The following GRSF1 variants were observed in gnomAD, a reference collection of about 807,000 sequenced individuals.
GRSF1 encodes the protein G-rich sequence factor 1.
A neutral mutation model predicts 51.1 loss-of-function variants in GRSF1; 50 were observed. The ratio of observed to expected loss-of-function variants is 0.98; its 90% confidence interval spans 0.78 to 1.24. The LOEUF is 1.24. Ranked by LOEUF, GRSF1 falls within the 50% of genes most tolerant of loss-of-function variation. The probability of loss-of-function intolerance (pLI) is 0.00; values close to 1 mark genes in which losing one functional copy is unlikely to be tolerated. For synonymous variants in GRSF1, 293 were observed against 253.3 expected (o/e 1.16, Z -1.49); for missense variants, 700 against 639.7 (o/e 1.09, Z -1.02).
intron 2 of GRSF1, among the ~76,000 whole-genome samples, chr4:70,835,718 G>C (rs758766274): frequency 3.9e-5 from 6 of 152,128 alleles, no homozygotes; most frequent in African/African-American, 1.2e-4. Context: ...TGGGATTACA[G>C]GCGTGAGCCA....
upstream of GRSF1, chr4:70,840,017 GCGGGGCTGCCCATGGT>G: frequency 9.5e-6 from 5 of 526,710 alleles, no homozygotes; most frequent in South Asian, 1.3e-4. Flanking sequence ...CCGCCCTTGG[GCGGGGCTGCCCATGGT>G]TTGGGCGGGG....
Position 70,839,759 on chromosome 4 carries a change from C to T in GRSF1, c.69G>A (p.Arg23=), listed in dbSNP as rs1326830349. Residue 23 remains arginine (R), a synonymous_variant, in exon 1 of 10, where the codon CGG becomes CGA. Coordinates refer to ENST00000254799, the MANE Select transcript of GRSF1 (RefSeq NM_002092.4). ...RGCGCNCSSC[R]RTGAACLPFY... ...AGGGCAGGCAGGCGGCGCCGGTGCG[C>T]CGGCAGCTGCTGCAGTTACAGCCGC... 6.6e-7 allele frequency: 1 copy of T among 1,504,114 alleles called. No homozygotes were observed. Among genetic ancestry groups the T allele is most frequent in the Non-Finnish European group, 8.8e-7 (1 of 1,133,822 alleles). 93.2% of individuals were successfully genotyped at this position (1,504,114 alleles called of 1,614,324 possible). A position where few individuals can be genotyped will look rare whatever the true frequency, so the allele number is the denominator to read the frequency against.
chr4:70,824,281 C>G lies in GRSF1; in HGVS notation c.*25+13G>C, dbSNP rs746114780. 3.6e-6 allele frequency: 4 copies of G among 1,115,318 alleles called. No individual in the cohort carries two copies. Among genetic ancestry groups the G allele is most frequent in the South Asian group, 2.6e-5 (2 of 75,832 alleles). 69.1% of individuals were successfully genotyped at this position (1,115,318 alleles called of 1,614,324 possible). ...CACTGCACCCAGCCCACAGTATTAC[C>G]TCTTAAATTTACCTTATTATCTGGA... On this transcript the variant is annotated intron_variant, in intron 9 of 9. Transcript: ENST00000254799.
At chr4:70,836,103 G>T in intron 2 of GRSF1, 55 bp downstream of exon 2, 4 of 1,054,660 alleles carry the variant, frequency 3.8e-6, no homozygotes. Context: ...ATACCTGCTT[G>T]TGAGAAACAA....
upstream of GRSF1, among the ~76,000 whole-genome samples, chr4:70,840,295 G>A (rs1238109284): frequency 3.9e-5 from 6 of 152,184 alleles, no homozygotes; most frequent in African/African-American, 2.4e-5. Context: ...TTTTTCAGGC[G>A]GTGGAAACTG....
intron 1 of GRSF1, chr4:70,838,924 T>C (rs1206487231): frequency 8.8e-6 from 3 of 339,596 alleles, no homozygotes; most frequent in Non-Finnish European, 1.7e-5. Context: ...ACAGCTCGTC[T>C]TTCCCTGGGG....
rs1226119192 is a variant in GRSF1, at chr4:70,816,255, C to T, written c.*4632G>A. On this transcript the variant is annotated 3_prime_UTR_variant, in exon 10 of 10. Transcript: ENST00000254799. ...ATCCCAGCTACTCGGGAGGCTGAGG[C>T]AGGAGACTCCCTTGAACCCAGGAGG... 2 of 149,456 alleles carry T rather than the reference C, an allele frequency of 1.3e-5. No individual in the cohort carries two copies. The highest frequency in any genetic ancestry group is 4.9e-5 in the African/African-American group (2 of 40,450). The allele number at this position is 149,456 out of a possible 1,614,324, so 9.3% of individuals were successfully genotyped here. A position where few individuals can be genotyped will look rare whatever the true frequency, so the allele number is the denominator to read the frequency against.
rs562156317 is a variant in GRSF1, at chr4:70,832,342, C to G, written c.779G>C (p.Ser260Thr). ...GTCTACAATGTCTTTCTCATTGCAA[C>G]TATAAGGAAGTCCTCTCAAACGAAC... ...GVVRLRGLPY[S>T]CNEKDIVDFF... The change falls in exon 4 of 10, where the codon AGT becomes ACT. Residue 260 changes from serine to threonine, a missense_variant. Ser to Thr is a moderately conservative substitution (Grantham distance 58, BLOSUM62 1). Coordinates refer to ENST00000254799, the MANE Select transcript of GRSF1 (RefSeq NM_002092.4). 7.4e-6 allele frequency: 12 copies of G among 1,613,600 alleles called. No homozygotes were observed. The South Asian group carries it at 1.3e-4, about 18-fold the overall frequency.
chr4:70,838,219 C>CAAAAAA (rs35303311), intron 1 of GRSF1, among the ~76,000 whole-genome samples: 10 of 94,578 alleles, frequency 1.1e-4, no homozygotes, highest in African/African-American at 1.6e-4. Context: ...ACTCGGTCTC[C>CAAAAAA]AAAAAAAAAA....
rs1213305894 is a variant in GRSF1 at position 70,833,052 on chromosome 4, AACT to A, written c.670+63_670+65del. 2.9e-6 allele frequency: 4 copies of A among 1,387,468 alleles called. No homozygotes were observed. The South Asian group carries it at 5.2e-5, about 18-fold the overall frequency. 85.9% of individuals were successfully genotyped at this position (1,387,468 alleles called of 1,614,324 possible). ...ACTTCATTATTAAGGATCAAATAAA[AACT>A]ACCTTGAAAAGTATAAAACCTAATG... On this transcript the variant is annotated intron_variant, in intron 3 of 9. Coordinates refer to ENST00000254799, the MANE Select transcript of GRSF1 (RefSeq NM_002092.4).
rs1473913774 is a variant in GRSF1, at chr4:70,823,476, ATTTTC to A, written c.*25+813_*25+817del. On this transcript the variant is annotated intron_variant, in intron 9 of 9. Coordinates refer to ENST00000254799, the MANE Select transcript of GRSF1 (RefSeq NM_002092.4). ...ATAATTAATTCTATTTCCCAGCAGA[ATTTTC>A]TTTTTTTTTTTTTGCCCCCCACATC... Among the ~76,000 whole-genome samples the A allele has an allele frequency of 1.8e-4, 14 of 77,324 alleles. No homozygotes were observed. In the East Asian group the frequency reaches 3.0e-3, roughly 17 times the overall value. The allele number at this position is 77,324 out of a possible 152,430, so 50.7% of individuals were successfully genotyped here.
At chr4:70,835,549 C>T (rs111262008) in intron 2 of GRSF1, among the ~76,000 whole-genome samples, 6 of 151,036 alleles carry the variant, frequency 4.0e-5, no homozygotes, top group Admixed American at 6.6e-5. Context: ...CTCCACCTCC[C>T]GGATTCACAC....
At chr4:70,825,971 A>G in intron 7 of GRSF1, 153 bp downstream of exon 7, 1 of 655,224 alleles carries the variant, frequency 1.5e-6, no homozygotes, top group Admixed American at 3.1e-5. Context: ...CAGCTACAGA[A>G]AAAGAAGCAA....
Position 70,816,907 on chromosome 4 carries a change from A to G in GRSF1, c.*3980T>C. ...AATCTAAGGGATGGGTATTGGCATC[A>G]CCAAGATTTTATATACTGACAGAAA... On this transcript the variant is annotated 3_prime_UTR_variant, in exon 10 of 10. Transcript: ENST00000254799. The G allele has an allele frequency of 6.6e-6, 1 of 152,214 alleles. No homozygotes were observed. Among genetic ancestry groups the G allele is most frequent in the East Asian group, 1.9e-4 (1 of 5,200 alleles). The allele number at this position is 152,214 out of a possible 1,614,324, so 9.4% of individuals were successfully genotyped here.
At chr4:70,833,499 C>T (rs1286776261) in intron 2 of GRSF1, among the ~76,000 whole-genome samples, 2 of 152,166 alleles carry the variant, frequency 1.3e-5, no homozygotes, top group African/African-American at 4.8e-5. Context: ...TTATGATCTC[C>T]TTCCTGATCA....
Position 70,833,272 on chromosome 4 carries a change from G to T in GRSF1, c.516C>A (p.Asp172Glu), listed in dbSNP as rs770785573. 1.9e-6 allele frequency: 3 copies of T among 1,612,622 alleles called. No homozygotes were observed. The highest frequency in any genetic ancestry group is 2.5e-6 in the Non-Finnish European group (3 of 1,179,322). The change falls in exon 3 of 10, where the codon GAC becomes GAA. Residue 172 changes from aspartate (D) to glutamate (E), a missense_variant and splice_region_variant. Coordinates refer to ENST00000254799, the MANE Select transcript of GRSF1 (RefSeq NM_002092.4). ...TMEDVLNFFS[D>E]CRIRNGENGI... ...CATTCTCACCGTTGCGGATTCTGCA[G>T]TCTAAAAGTGTATGAGCAAAATCAA...
chr4:70,840,783 T>G (rs1434147425), upstream of GRSF1, among the ~76,000 whole-genome samples: 1 of 151,456 alleles, frequency 6.6e-6, no homozygotes, highest in Non-Finnish European at 1.5e-5. Flanking sequence ...AACAAAAAAA[T>G]TAGGTTAGGG....
In GRSF1 at chr4:70,839,844, G is replaced by A. The variant is rs945986463; in HGVS notation, c.-17C>T. On this transcript the variant is annotated 5_prime_UTR_variant, in exon 1 of 10. Transcript: ENST00000254799. The stretch of plus-strand genomic sequence containing the variant: ...GCCGGCCATGGACTCCGGAGGCGGC[G>A]CAGGGCCTGAAGGCAGCTGCTCCAG... 1.0e-5 allele frequency: 15 copies of A among 1,479,568 alleles called. No individual in the cohort carries two copies. The highest frequency in any genetic ancestry group is 2.8e-5 in the East Asian group (1 of 35,150). 91.7% of individuals were successfully genotyped at this position (1,479,568 alleles called of 1,614,324 possible). A position where few individuals can be genotyped will look rare whatever the true frequency, so the allele number is the denominator to read the frequency against.
rs1017847252 is a variant in GRSF1 at position 70,817,750 on chromosome 4, C to T, written c.*3137G>A. The T allele has an allele frequency of 6.6e-6, 1 of 152,198 alleles. No individual in the cohort carries two copies. The highest frequency in any genetic ancestry group is 1.5e-5 in the Non-Finnish European group (1 of 68,028). The allele number at this position is 152,198 out of a possible 1,614,324, so 9.4% of individuals were successfully genotyped here. A position where few individuals can be genotyped will look rare whatever the true frequency, so the allele number is the denominator to read the frequency against. ...TACTCTTAACTTACAATCCAGCAAC[C>T]TGGTTCCTTGGTATTTACCCAAAGG... On this transcript the variant is annotated 3_prime_UTR_variant, in exon 10 of 10. Coordinates refer to ENST00000254799, the MANE Select transcript of GRSF1 (RefSeq NM_002092.4).
Sources: gnomAD v4.1 joint callset for allele counts (sites outside exome capture counted in the v4.1 genomes callset) on GRCh38, gnomAD v4.1.1 for gene constraint, MANE v1.5 for transcripts, NCBI Gene and HGNC (gene_info 2026-07-23, HGNC 2026-07-21) for gene names.